Variants in DNAJC13 observed in about 807,000 individuals in gnomAD.
The protein encoded by DNAJC13 is DnaJ heat shock protein family (Hsp40) member C13.
In DNAJC13, 75 loss-of-function variants were observed where a neutral mutation model predicts 290.5. The ratio of observed to expected loss-of-function variants is 0.26; its 90% CI spans 0.21 to 0.31. The LOEUF (loss-of-function observed/expected upper bound fraction) is 0.31. Ranked by LOEUF, DNAJC13 falls within the 10% of genes least tolerant of loss-of-function variation. The pLI is 1.00. For missense variants in DNAJC13, 2,260 were observed against 2,674.5 expected (o/e 0.85, Z 3.42); for synonymous variants, 862 against 892.0 (o/e 0.97, Z 0.60).
intron 20 of DNAJC13, among the ~76,000 whole-genome samples, chr3:132,467,926 T>C (rs1934056867): frequency 6.6e-6 from 1 of 152,212 alleles, no homozygotes; most frequent in Non-Finnish European, 1.5e-5. Flanking sequence ...TATGTATTTA[T>C]TTTCTTCCCT....
intron 20 of DNAJC13, 129 bp downstream of exon 20, chr3:132,467,442 A>G (rs1004306997): frequency 1.2e-6 from 1 of 818,956 alleles, no homozygotes; most frequent in Non-Finnish European, 1.8e-6. Context: ...AATGAATGGT[A>G]CCTAATTTCT....
chr3:132,500,688 C>A, intron 38 of DNAJC13, 106 bp from the exon 39 acceptor site: 1 of 1,441,200 alleles, frequency 6.9e-7, no homozygotes. Flanking sequence ...ATTGTATATA[C>A]CATTAAGCAT....
At chr3:132,503,477 A>G (rs1935488085) in intron 41 of DNAJC13, 96 bp downstream of exon 41, 2 of 1,384,198 alleles carry the variant, frequency 1.4e-6, no homozygotes, top group Admixed American at 2.2e-5. Context: ...GAACCTAAAA[A>G]TTAAGAACGT....
Position 132,450,847 on chromosome 3 carries a change from G to GCATTTATTTGCGTCAGAGCAAAGA in DNAJC13, c.537_537+1insCATTTATTTGCGTCAGAGCAAAGA (p.His180_Arg187dup). 1 of 1,509,430 alleles carries GCATTTATTTGCGTCAGAGCAAAGA rather than the reference G, an allele frequency of 6.6e-7. No homozygotes were observed. The highest frequency in any genetic ancestry group is 2.0e-5 in the Admixed American group (1 of 50,672). The allele number at this position is 1,509,430 out of a possible 1,614,324, so 93.5% of individuals were successfully genotyped here. ...TACTTTATGGAGGATTTAGTAGATT[G>GCATTTATTTGCGTCAGAGCAAAGA]GTAAGTACTATTTTAAAAAAAAAAA... is the stretch of plus-strand genomic sequence containing the variant. On this transcript the variant is annotated inframe_insertion and splice_region_variant. Transcript: ENST00000260818.
intron 48 of DNAJC13, among the ~76,000 whole-genome samples, chr3:132,521,456 T>C (rs1936088442): frequency 6.6e-6 from 1 of 152,206 alleles, no homozygotes. Context: ...GCAAAACTCT[T>C]GCTTTATGAA....
chr3:132,490,057 GTA>G (rs1245704241), intron 31 of DNAJC13, among the ~76,000 whole-genome samples: 1 of 152,136 alleles, frequency 6.6e-6, no homozygotes, highest in Non-Finnish European at 1.5e-5. Context: ...CCAAATAATA[GTA>G]TTGAAGAATA....
chr3:132,490,089 C>G (rs1448250271), intron 31 of DNAJC13, among the ~76,000 whole-genome samples: 11 of 152,110 alleles, frequency 7.2e-5, no homozygotes, highest in African/African-American at 2.7e-4. Flanking sequence ...ATTCTTTACC[C>G]AAAAGTTTAA....
chr3:132,494,724 T>C (rs1277584051), intron 34 of DNAJC13, among the ~76,000 whole-genome samples: 1 of 152,170 alleles, frequency 6.6e-6, no homozygotes, highest in Admixed American at 6.5e-5. Flanking sequence ...AAGTATAGAC[T>C]AAAACTGTAT....
chr3:132,483,623 T>C, intron 28 of DNAJC13, 46 bp downstream of exon 28: 1 of 1,546,420 alleles, frequency 6.5e-7, no homozygotes, highest in Non-Finnish European at 8.9e-7. Context: ...TATGCTTCCT[T>C]AGTAACAGCA....
chr3:132,516,621 T>C, intron 47 of DNAJC13, 83 bp from the exon 48 acceptor site: 1 of 1,523,602 alleles, frequency 6.6e-7, no homozygotes, highest in Non-Finnish European at 8.9e-7. Flanking sequence ...AAAAACTACA[T>C]TCAGTTGAAA....
chr3:132,439,718 C>A (rs1053310765), intron 2 of DNAJC13, among the ~76,000 whole-genome samples: 5 of 152,190 alleles, frequency 3.3e-5, no homozygotes, highest in African/African-American at 1.2e-4. Flanking sequence ...TATTACATTT[C>A]ATGGGATGCC....
intron 2 of DNAJC13, among the ~76,000 whole-genome samples, chr3:132,444,912 G>A (rs1933193697): frequency 6.6e-6 from 1 of 152,044 alleles, no homozygotes; most frequent in Non-Finnish European, 1.5e-5. Flanking sequence ...CTTTAGACAT[G>A]TAGAGTTAGG....
At chr3:132,454,314 ATTT>A (rs71622093) in intron 9 of DNAJC13, among the ~76,000 whole-genome samples, 157 bp downstream of exon 9, 4 of 86,120 alleles carry the variant, frequency 4.6e-5, no homozygotes, top group East Asian at 7.1e-4. Context: ...CCCATTTTCA[ATTT>A]TTTTTTTTTT....
At chr3:132,508,778 A>T (rs1260081261) in intron 43 of DNAJC13, among the ~76,000 whole-genome samples, 3 of 152,236 alleles carry the variant, frequency 2.0e-5, no homozygotes, top group Admixed American at 6.5e-5. Context: ...AATTATTTTT[A>T]AAAAATTATG....
Position 132,461,119 on chromosome 3 carries a change from T to A in DNAJC13, c.1627T>A (p.Tyr543Asn). The change falls in exon 15 of 56, where the codon TAT becomes AAT. Residue 543 changes from tyrosine to asparagine, a missense_variant. By Grantham distance (143) the Tyr-to-Asn change is moderately radical (BLOSUM62 -2). Transcript: ENST00000260818. ...DFLTFALCAP[Y>N]SETTEGQQFD... ...CCTTACCTTTGCCCTCTGTGCTCCA[T>A]ATAGTGAGACAACTGAAGGGCAGCA... is the stretch of plus-strand genomic sequence containing the variant. 6.2e-7 allele frequency: 1 copy of A among 1,614,028 alleles called. No individual in the cohort carries two copies. The highest frequency in any genetic ancestry group is 8.5e-7 in the Non-Finnish European group (1 of 1,179,932).
In DNAJC13 at chr3:132,474,934, T is replaced by C. The variant is rs764235605; in HGVS notation, c.2294T>C (p.Phe765Ser). Reference protein sequence around the residue: ...EANWDLFYYRFGQDHARSNLI... With the variant: ...EANWDLFYYRSGQDHARSNLI... ...TTCCTCATTATATGTATGTCTAGGT[T>C]TGGTCAAGACCATGCCAGGTCAAAC... Residue 765 changes from phenylalanine (F) to serine (S), a missense_variant and splice_region_variant, in exon 22 of 56, where the codon TTT becomes TCT. This residue lies in a region of DNAJC13 where 762 missense variants were observed against 964.1 expected (regional missense o/e 0.79). Coordinates refer to ENST00000260818, the MANE Select transcript of DNAJC13 (RefSeq NM_015268.4). 14 of 1,590,648 alleles carry C rather than the reference T, an allele frequency of 8.8e-6. No homozygotes were observed. In the Middle Eastern group the frequency reaches 5.0e-4, roughly 57 times the overall value.
chr3:132,431,176 T>C (rs1283947698), intron 1 of DNAJC13, among the ~76,000 whole-genome samples: 1 of 152,244 alleles, frequency 6.6e-6, no homozygotes, highest in Admixed American at 6.5e-5. Context: ...TTAACTCAAA[T>C]ACTTATTTTT....
chr3:132,453,875 T>C (rs1028093032), intron 8 of DNAJC13, among the ~76,000 whole-genome samples, 181 bp downstream of exon 8: 18 of 152,198 alleles, frequency 1.2e-4, no homozygotes, highest in African/African-American at 4.1e-4. Flanking sequence ...AAAGTTATTT[T>C]CCAAGTATAT....
chr3:132,426,648 A>G (rs1037609633), intron 1 of DNAJC13, among the ~76,000 whole-genome samples: 1 of 152,160 alleles, frequency 6.6e-6, no homozygotes, highest in Non-Finnish European at 1.5e-5. Flanking sequence ...TAGAAATTTT[A>G]CAGATTTTTT....
Sources: allele counts gnomAD v4.1 joint callset (sites outside exome capture counted in the v4.1 genomes callset), GRCh38; gene constraint gnomAD v4.1.1; regional missense constraint gnomAD v4.1.1; transcripts MANE v1.5; gene names NCBI Gene and HGNC (gene_info 2026-07-23, HGNC 2026-07-21).